The following ZFP64 variants were observed in gnomAD, a reference collection of about 807,000 sequenced individuals.
ZFP64 encodes the protein ZFP64 zinc finger protein.
ZFP64 carries 14 observed loss-of-function variants against 51.6 expected under a neutral mutation model. The ratio of observed to expected loss-of-function variants is 0.27; its 90% CI spans 0.18 to 0.42. The LOEUF (loss-of-function observed/expected upper bound fraction) is 0.42, where lower values mean the gene tolerates loss of function less well. ZFP64 is among the 10% of genes least tolerant of loss of function. The pLI, the probability that ZFP64 is intolerant of heterozygous loss-of-function variation, is 1.00. For missense variants in ZFP64, 754 were observed against 906.8 expected, an observed-to-expected ratio of 0.83 and a Z score of 2.16; for synonymous variants, 375 against 361.4, an observed-to-expected ratio of 1.04 and a Z score of -0.43.
At chr20:52,161,039 A>G (rs538002401) in intron 4 of ZFP64, among the ~76,000 whole-genome samples, 1 of 152,264 alleles carries the variant, frequency 6.6e-6, no homozygotes, top group East Asian at 1.9e-4. Flanking sequence ...AGGGTGGCAT[A>G]CCTGCAGATG....
intron 5 of ZFP64, among the ~76,000 whole-genome samples, chr20:52,134,946 TC>T (rs1488514797): frequency 6.6e-6 from 1 of 152,136 alleles, no homozygotes; most frequent in Non-Finnish European, 1.5e-5. Flanking sequence ...CACTGCAACC[TC>T]TGCCTCCTGG....
At position 52,186,816 on chromosome 20, in the gene ZFP64, C is replaced by T. The variant is rs371035488; in HGVS notation, c.286+16G>A. On this transcript the variant is annotated intron_variant, in intron 2 of 5. Coordinates refer to ENST00000216923, the MANE Select transcript of ZFP64 (RefSeq NM_018197.3). ...CCAGGCCAATTCTGGCCGACTCCCCCATGCTCCAGCTGTACCTGTGATTGT... is the reference window on the plus strand; with the variant it reads ...CCAGGCCAATTCTGGCCGACTCCCCTATGCTCCAGCTGTACCTGTGATTGT... The T allele has an allele frequency of 5.1e-5, 81 of 1,590,770 alleles. No individual in the cohort carries two copies. The highest frequency in any genetic ancestry group is 6.2e-5 in the Non-Finnish European group (72 of 1,161,704).
chr20:52,132,055 T>C (rs1010073428), intron 5 of ZFP64, among the ~76,000 whole-genome samples: 2 of 152,158 alleles, frequency 1.3e-5, no homozygotes, highest in Admixed American at 1.3e-4. Flanking sequence ...AACTAGAAAT[T>C]AATAACAAGA....
intron 5 of ZFP64, among the ~76,000 whole-genome samples, chr20:52,123,858 T>A (rs1358718616): frequency 6.7e-6 from 1 of 148,228 alleles, no homozygotes; most frequent in Non-Finnish European, 1.5e-5. Context: ...AAGAAGTGCT[T>A]AGTAAACTTT....
intron 5 of ZFP64, among the ~76,000 whole-genome samples, chr20:52,113,650 G>T (rs1162083809): frequency 4.7e-5 from 7 of 148,536 alleles, no homozygotes; most frequent in Admixed American, 1.4e-4. Flanking sequence ...TGTTGGCCAG[G>T]CTGGTCTCGA....
At chr20:52,120,667 CTTTTTT>C (rs11469627) in intron 5 of ZFP64, among the ~76,000 whole-genome samples, 89 of 57,482 alleles carry the variant, frequency 1.5e-3, no homozygotes, top group Middle Eastern at 0.014. Flanking sequence ...GATCAGTGAT[CTTTTTT>C]TTTTTTTTTT....
At chr20:52,172,756 G>A (rs1270932735) in intron 2 of ZFP64, among the ~76,000 whole-genome samples, 6 of 151,808 alleles carry the variant, frequency 4.0e-5, no homozygotes, top group African/African-American at 1.5e-4. Flanking sequence ...CCTCTACCCT[G>A]GTGTGGCCAT....
chr20:52,111,598 T>C lies in ZFP64; in HGVS notation c.764-13011A>G, dbSNP rs560902317. 2.6e-5 allele frequency among the ~76,000 whole-genome samples: 4 copies of C among 152,202 alleles called. No homozygotes were observed. In the South Asian group the frequency reaches 8.3e-4, roughly 32 times the overall value. On this transcript the variant is annotated intron_variant, in intron 5 of 8. Coordinates refer to the ZFP64 transcript ENST00000361387. ...TAAATTTTCAAACATTGTCGCTTTG[T>C]AGAAGAAAAATAGAGAATATCTGTA...
rs58896426 is a variant in ZFP64, at chr20:52,102,796, T to C, written c.764-4209A>G. Among the ~76,000 whole-genome samples, 660 of 152,326 alleles carry C rather than the reference T, an allele frequency of 4.3e-3. 6 individuals carry two copies. Among genetic ancestry groups the C allele is most frequent in the African/African-American group, 0.015 (626 of 41,576 alleles). Reference sequence around the variant, plus strand: ...AGTTTCCACATCTGTGAAATGGGTATTATGGCCGTCTCATTAGCTTAGATG... The same window carrying C: ...AGTTTCCACATCTGTGAAATGGGTACTATGGCCGTCTCATTAGCTTAGATG... On this transcript the variant is annotated intron_variant, in intron 5 of 8. Transcript: ENST00000361387.
At chr20:52,098,327 A>G (rs2079014123) in intron 6 of ZFP64, 2 of 1,457,544 alleles carry the variant, frequency 1.4e-6, no homozygotes, top group Non-Finnish European at 1.9e-6. Flanking sequence ...AGATACTGGC[A>G]TGTTGTCAGC....
intron 5 of ZFP64, among the ~76,000 whole-genome samples, chr20:52,127,433 G>A (rs192323334): frequency 1.6e-4 from 24 of 152,196 alleles, no homozygotes; most frequent in Admixed American, 1.4e-3. Context: ...TTGGATCATG[G>A]GGGCGGCTGC....
intron 5 of ZFP64, among the ~76,000 whole-genome samples, chr20:52,141,102 C>T (rs183552735): frequency 6.6e-6 from 1 of 152,264 alleles, no homozygotes; most frequent in African/African-American, 2.4e-5. Context: ...AAAATAGGTT[C>T]CTTCCACAAT....
At chr20:52,128,924 C>G (rs77286509) in intron 5 of ZFP64, among the ~76,000 whole-genome samples, 1 of 151,628 alleles carries the variant, frequency 6.6e-6, no homozygotes, top group South Asian at 2.1e-4. Context: ...AATTTTCTTT[C>G]TTTTTCTGAG....
intron 2 of ZFP64, among the ~76,000 whole-genome samples, chr20:52,181,326 C>A (rs189877990): frequency 7.6e-4 from 116 of 152,254 alleles, no homozygotes; most frequent in Middle Eastern, 6.8e-3. Context: ...CCTTACGCAG[C>A]CAAGATTCAA....
intron 5 of ZFP64, among the ~76,000 whole-genome samples, chr20:52,159,078 G>T (rs1309483854): frequency 6.6e-6 from 1 of 152,106 alleles, no homozygotes; most frequent in Non-Finnish European, 1.5e-5. Context: ...AATCTGAAAG[G>T]CACCCAGCCT....
At chr20:52,148,988 C>T (rs529571734), downstream of ZFP64, among the ~76,000 whole-genome samples, 9 of 152,260 alleles carry the variant, frequency 5.9e-5, no homozygotes, top group South Asian at 1.7e-3. Flanking sequence ...TCCCCAACTT[C>T]CCAACAACCA....
In ZFP64 at chr20:52,153,881, T is replaced by C. The variant is rs896661429; in HGVS notation, c.764-453A>G. 4.6e-5 allele frequency among the ~76,000 whole-genome samples: 7 copies of C among 152,200 alleles called. No individual in the cohort carries two copies. The highest frequency in any genetic ancestry group is 1.4e-4 in the African/African-American group (6 of 41,456). ...ATGGGTCAGCTCCGTGCTGCACTCA[T>C]TGGAGTATGGTTTTACAATGACTGA... On this transcript the variant is annotated intron_variant, in intron 5 of 5. Coordinates refer to ENST00000216923, the MANE Select transcript of ZFP64 (RefSeq NM_018197.3). This position sits in a 1 kb window ranked among gnomAD's most constrained non-coding sequence, Gnocchi z 5.1.
chr20:52,141,540 G>A (rs2122913043), intron 5 of ZFP64, among the ~76,000 whole-genome samples: 1 of 152,284 alleles, frequency 6.6e-6, no homozygotes, highest in Admixed American at 6.5e-5. Flanking sequence ...GGAAGTAACT[G>A]CAGAGATGGT....
At chr20:52,098,948 G>A (rs377201186) in intron 5 of ZFP64, among the ~76,000 whole-genome samples, 10 of 147,422 alleles carry the variant, frequency 6.8e-5, no homozygotes, top group African/African-American at 2.5e-4. Flanking sequence ...GTTGCAGTGA[G>A]CCGAGATCAT....
Sources: gnomAD v4.1 joint callset for allele counts (sites outside exome capture counted in the v4.1 genomes callset) on GRCh38, gnomAD v4.1.1 for gene constraint, Gnocchi (gnomAD v3.1) non-coding constraint, MANE v1.5 for transcripts, NCBI Gene and HGNC (gene_info 2026-07-23, HGNC 2026-07-21) for gene names.